Variants in PARM1 observed in about 807,000 individuals in gnomAD.
PARM1 encodes WSC4, cell wall integrity and stress response component 4 homolog.
Under a neutral mutation model 24.6 loss-of-function variants are expected in PARM1, and 14 were observed. That is an observed-to-expected ratio of 0.57 (90% CI 0.38 to 0.89). The LOEUF (loss-of-function observed/expected upper bound fraction) is 0.89, where lower values mean the gene tolerates loss of function less well. Among genes scored for constraint, PARM1 ranks in the 40% least tolerant of loss-of-function variants. PARM1 has a pLI of 0.00. For missense variants in PARM1, 362 were observed against 380.4 expected, an observed-to-expected ratio of 0.95 and a Z score of 0.40; for synonymous variants, 179 against 156.6, an observed-to-expected ratio of 1.14 and a Z score of -1.07.
intron 1 of PARM1, among the ~76,000 whole-genome samples, chr4:75,007,749 A>G (rs996693900): frequency 6.6e-5 from 10 of 152,172 alleles, no homozygotes; most frequent in Non-Finnish European, 1.3e-4. Context: ...GGTGGTAATT[A>G]AAGTTAGATG....
chr4:75,031,851 C>T (rs541379220), intron 2 of PARM1, among the ~76,000 whole-genome samples: 12 of 152,242 alleles, frequency 7.9e-5, no homozygotes, highest in African/African-American at 2.9e-4. Flanking sequence ...TAAAATACTC[C>T]CATCACCTTA....
chr4:74,987,925 A>C (rs560417026), intron 1 of PARM1, among the ~76,000 whole-genome samples: 30 of 152,338 alleles, frequency 2.0e-4, no homozygotes, highest in African/African-American at 6.3e-4. Context: ...ATTTATTCAG[A>C]AAAATTAATT....
At chr4:75,015,625 T>C (rs1431367571) in intron 2 of PARM1, among the ~76,000 whole-genome samples, 4 of 152,242 alleles carry the variant, frequency 2.6e-5, no homozygotes, top group Non-Finnish European at 4.4e-5. Context: ...ACTCTTAATA[T>C]CAGTACTTAG....
At chr4:75,043,280 C>T (rs923658658) in intron 3 of PARM1, among the ~76,000 whole-genome samples, 1 of 152,160 alleles carries the variant, frequency 6.6e-6, no homozygotes, top group African/African-American at 2.4e-5. Context: ...GGCAGATTCA[C>T]CATGTGCTTG....
intron 1 of PARM1, among the ~76,000 whole-genome samples, chr4:75,008,109 GACCTA>G (rs1722806499): frequency 6.6e-6 from 1 of 152,212 alleles, no homozygotes; most frequent in Non-Finnish European, 1.5e-5. Flanking sequence ...ATTGGAAATA[GACCTA>G]CCCCAGGAGT....
intron 1 of PARM1, among the ~76,000 whole-genome samples, chr4:75,011,789 T>A (rs986440994): frequency 5.3e-5 from 8 of 152,212 alleles, no homozygotes; most frequent in Admixed American, 1.3e-4. Context: ...TTTCTAGCTT[T>A]TATTCTGGGA....
intron 2 of PARM1, among the ~76,000 whole-genome samples, chr4:75,029,861 G>C (rs1723244178): frequency 6.6e-6 from 1 of 150,800 alleles, no homozygotes; most frequent in Non-Finnish European, 1.5e-5. Context: ...AACTTTTTTA[G>C]GACAATGATT....
chr4:75,012,155 T>C (rs141590370), intron 1 of PARM1, among the ~76,000 whole-genome samples: 84 of 152,276 alleles, frequency 5.5e-4, no homozygotes, highest in African/African-American at 2.0e-3. Flanking sequence ...GGGGACAAGA[T>C]TAGTTCATAC....
At chr4:74,977,908 A>G (rs1268653384) in intron 1 of PARM1, among the ~76,000 whole-genome samples, 1 of 152,212 alleles carries the variant, frequency 6.6e-6, no homozygotes, top group African/African-American at 2.4e-5. Flanking sequence ...CTTCAGACAA[A>G]CAAATGTTGA....
At chr4:74,977,105 T>C (rs1353037650) in intron 1 of PARM1, among the ~76,000 whole-genome samples, 1 of 152,170 alleles carries the variant, frequency 6.6e-6, no homozygotes, top group Non-Finnish European at 1.5e-5. Context: ...GGGCTGAGGC[T>C]GACATGGATG....
At position 74,952,450 on chromosome 4, in the gene PARM1, C is replaced by T. The variant is rs568487314; in HGVS notation, c.43+19080C>T. On this transcript the variant is annotated intron_variant, in intron 1 of 3. Coordinates refer to ENST00000307428, the MANE Select transcript of PARM1 (RefSeq NM_015393.4). ...AGAAGCTCTTTAGTTTATTTATATC[C>T]CATTGGTCAATTTTGGCTTTTGTTG... Among the ~76,000 whole-genome samples, 9 of 152,254 alleles carry T rather than the reference C, an allele frequency of 5.9e-5. No homozygotes were observed. The East Asian group carries it at 1.4e-3, about 23-fold the overall frequency.
chr4:75,031,816 G>A lies in PARM1; in HGVS notation c.770-2067G>A, dbSNP rs1723282427. ...TCAGTTTTTTACACTGCTCTTAATT[G>A]CAATGACTGTATCTTTTTGAATCTT... On this transcript the variant is annotated intron_variant, in intron 2 of 3. Coordinates refer to ENST00000307428, the MANE Select transcript of PARM1 (RefSeq NM_015393.4). Among the ~76,000 whole-genome samples the A allele has an allele frequency of 2.6e-5, 4 of 152,252 alleles. No individual in the cohort carries two copies. The South Asian group carries it at 8.3e-4, about 32-fold the overall frequency.
At chr4:74,994,457 A>G (rs1225329009) in intron 1 of PARM1, among the ~76,000 whole-genome samples, 1 of 152,148 alleles carries the variant, frequency 6.6e-6, no homozygotes, top group East Asian at 1.9e-4. Context: ...ACTGCATACC[A>G]TAAACTTAAA....
intron 1 of PARM1, among the ~76,000 whole-genome samples, chr4:74,974,127 G>T (rs1207327726): frequency 6.6e-6 from 1 of 152,192 alleles, no homozygotes; most frequent in Non-Finnish European, 1.5e-5. Flanking sequence ...AGAAAAAGAA[G>T]AGGCAAATCC....
At chr4:74,959,388 G>A (rs1721715080) in intron 1 of PARM1, among the ~76,000 whole-genome samples, 2 of 152,136 alleles carry the variant, frequency 1.3e-5, no homozygotes, top group African/African-American at 4.8e-5. Flanking sequence ...TTATTATCCT[G>A]AAGTCTGGTT....
Position 75,003,934 on chromosome 4 carries a change from A to C in PARM1, c.44-8491A>C, listed in dbSNP as rs1300785504. 2.6e-5 allele frequency among the ~76,000 whole-genome samples: 4 copies of C among 152,312 alleles called. No individual in the cohort carries two copies. In the East Asian group the frequency reaches 7.7e-4, roughly 29 times the overall value. On this transcript the variant is annotated intron_variant, in intron 1 of 3. Coordinates refer to ENST00000307428, the MANE Select transcript of PARM1 (RefSeq NM_015393.4). Reference sequence around the variant, plus strand: ...CTGAAATTCAATTCATTCAATGTAAAGATGTTAAAACTAGCCTGTGTTTGC... The same window carrying C: ...CTGAAATTCAATTCATTCAATGTAACGATGTTAAAACTAGCCTGTGTTTGC...
chr4:74,985,837 C>T (rs1017212803), intron 1 of PARM1, among the ~76,000 whole-genome samples: 4 of 152,130 alleles, frequency 2.6e-5, no homozygotes, highest in East Asian at 1.9e-4. Flanking sequence ...GGCATGGTCT[C>T]GGCTCACTGC....
chr4:74,944,680 G>A (rs112615796), intron 1 of PARM1, among the ~76,000 whole-genome samples: 3 of 152,112 alleles, frequency 2.0e-5, no homozygotes, highest in Non-Finnish European at 2.9e-5. Flanking sequence ...AAAGACAAGC[G>A]TGGCTGCTCA....
At chr4:74,964,535 C>T (rs1192521910) in intron 1 of PARM1, among the ~76,000 whole-genome samples, 3 of 149,048 alleles carry the variant, frequency 2.0e-5, no homozygotes, top group Admixed American at 6.6e-5. Flanking sequence ...TAAATCAACT[C>T]CTTCCACACC....
Sources: gnomAD v4.1 joint callset for allele counts (sites outside exome capture counted in the v4.1 genomes callset) on GRCh38, gnomAD v4.1.1 for gene constraint, MANE v1.5 for transcripts, NCBI Gene and HGNC (gene_info 2026-07-23, HGNC 2026-07-21) for gene names.